The following USP37 variants were observed in gnomAD, a reference collection of about 807,000 sequenced individuals.
The protein encoded by USP37 is ubiquitin specific peptidase 37.
USP37 carries 27 observed loss-of-function variants against 124.0 expected under a neutral mutation model. The observed-to-expected ratio is 0.22, with a 90% CI of 0.16 to 0.30. The LOEUF is 0.30. USP37 is among the 10% of genes least tolerant of loss of function. USP37 has a pLI of 1.00. For missense variants in USP37, 889 were observed against 1,140.4 expected, an observed-to-expected ratio of 0.78 and a Z score of 3.17; for synonymous variants, 365 against 388.0, an observed-to-expected ratio of 0.94 and a Z score of 0.70.
intron 6 of USP37, among the ~76,000 whole-genome samples, chr2:218,547,472 T>C (rs1692412702): frequency 6.6e-6 from 1 of 151,670 alleles, no homozygotes; most frequent in Admixed American, 6.6e-5. Context: ...TAATGTACAG[T>C]CAGTGTGAAA....
intron 9 of USP37, among the ~76,000 whole-genome samples, chr2:218,530,742 G>T (rs1424450590): frequency 6.6e-6 from 1 of 152,164 alleles, no homozygotes; most frequent in Non-Finnish European, 1.5e-5. Flanking sequence ...AAAAGCTCTT[G>T]ACAGAAATTA....
At chr2:218,518,260 T>A (rs976666804) in intron 10 of USP37, among the ~76,000 whole-genome samples, 1 of 152,248 alleles carries the variant, frequency 6.6e-6, no homozygotes, top group Non-Finnish European at 1.5e-5. Context: ...TTGATTTTTT[T>A]AAATCTGTGA....
chr2:218,485,519 G>A, intron 16 of USP37, 145 bp downstream of exon 16: 5 of 948,564 alleles, frequency 5.3e-6, no homozygotes, highest in East Asian at 2.7e-5. Flanking sequence ...CAGCTTTCCT[G>A]ACCCTCTTTA....
At chr2:218,501,541 T>C (rs889730731) in intron 11 of USP37, among the ~76,000 whole-genome samples, 3 of 152,108 alleles carry the variant, frequency 2.0e-5, no homozygotes, top group Non-Finnish European at 4.4e-5. Flanking sequence ...TTTCAGATAC[T>C]AGACAATAGG....
intron 10 of USP37, among the ~76,000 whole-genome samples, chr2:218,527,556 C>G (rs1305710761): frequency 6.6e-6 from 1 of 152,180 alleles, no homozygotes; most frequent in East Asian, 1.9e-4. Context: ...AAATTTTCAC[C>G]TTATCTCTCA....
chr2:218,467,345 A>ATCTG (rs1690400623), intron 20 of USP37, among the ~76,000 whole-genome samples: 1 of 149,672 alleles, frequency 6.7e-6, no homozygotes, highest in Non-Finnish European at 1.5e-5. Context: ...CTATCTATCT[A>ATCTG]TCTATCTATC....
Position 218,483,277 on chromosome 2 carries a change from A to C in USP37, c.1671-1043T>G, listed in dbSNP as rs147525255. On this transcript the variant is annotated intron_variant, in intron 16 of 25. Coordinates refer to ENST00000258399, the MANE Select transcript of USP37 (RefSeq NM_020935.3). ...ACACTGCCTATAGTGTAGCCCTGCT[A>C]TGCATGGAGCAGTAAAAGGTGGGGG... Among the ~76,000 whole-genome samples the C allele has an allele frequency of 9.5e-3, 1,440 of 151,974 alleles. 21 individuals are homozygous for C. Among genetic ancestry groups the C allele is most frequent in the African/African-American group, 0.033 (1,376 of 41,270 alleles).
intron 10 of USP37, among the ~76,000 whole-genome samples, chr2:218,525,634 AC>A (rs1237439110): frequency 6.6e-6 from 1 of 152,090 alleles, no homozygotes; most frequent in Non-Finnish European, 1.5e-5. Flanking sequence ...TGATTTCTCC[AC>A]TTTTATAGAG....
chr2:218,566,858 C>T (rs1574975426), intron 1 of USP37, among the ~76,000 whole-genome samples: 1 of 152,078 alleles, frequency 6.6e-6, no homozygotes, highest in Non-Finnish European at 1.5e-5. Context: ...GTCAAGAATG[C>T]CTCCCAAGTG....
rs372820325 is a variant in USP37, at chr2:218,547,114, A to G, written c.430-23T>C. 1.9e-6 allele frequency: 3 copies of G among 1,571,906 alleles called. No homozygotes were observed. In the African/African-American group the frequency reaches 4.1e-5, roughly 22 times the overall value. On this transcript the variant is annotated intron_variant, in intron 6 of 25. Coordinates refer to ENST00000258399, the MANE Select transcript of USP37 (RefSeq NM_020935.3). ...AGCCTGTAAAAATAAAGTTTGAGAT[A>G]GTTAAATCTTCAAATTAACTGGAAT...
chr2:218,478,565 A>G (rs75774468), intron 18 of USP37, among the ~76,000 whole-genome samples: 1,862 of 152,280 alleles, frequency 0.012, 39 homozygotes, highest in African/African-American at 0.042. Flanking sequence ...CCAAATTTTC[A>G]TACCAGCAGA....
chr2:218,546,343 A>G, intron 7 of USP37, 45 bp from the exon 8 acceptor site: 1 of 1,415,622 alleles, frequency 7.1e-7, no homozygotes. Context: ...GCCACAATTC[A>G]TATCACAAAA....
intron 21 of USP37, among the ~76,000 whole-genome samples, chr2:218,464,027 T>TG (rs1485926979): frequency 6.6e-6 from 1 of 151,148 alleles, no homozygotes; most frequent in Non-Finnish European, 1.5e-5. Context: ...AGTTAATTTT[T>TG]TTTGTATTTT....
intron 25 of USP37, among the ~76,000 whole-genome samples, 189 bp downstream of exon 25, chr2:218,455,391 G>C (rs1160124370): frequency 6.6e-6 from 1 of 151,758 alleles, no homozygotes; most frequent in Non-Finnish European, 1.5e-5. Context: ...TTAATGCTGA[G>C]TTATGAGAGA....
intron 8 of USP37, among the ~76,000 whole-genome samples, chr2:218,542,286 G>A (rs1046045567): frequency 9.9e-5 from 15 of 152,182 alleles, no homozygotes; most frequent in Non-Finnish European, 4.4e-5. Context: ...ATGTGATGGT[G>A]TAAAAGTATT....
chr2:218,535,634 A>C (rs1691587506), intron 8 of USP37, among the ~76,000 whole-genome samples: 1 of 152,048 alleles, frequency 6.6e-6, no homozygotes, highest in Admixed American at 6.6e-5. Context: ...AGGCAGGTGA[A>C]TCATGAGGTC....
At chr2:218,517,806 G>A (rs777528142) in intron 10 of USP37, among the ~76,000 whole-genome samples, 41 of 152,050 alleles carry the variant, frequency 2.7e-4, no homozygotes, top group Non-Finnish European at 5.0e-4. Context: ...ATACCCCAAT[G>A]TCCCTCTTCT....
At chr2:218,508,058 C>G (rs35693258) in intron 11 of USP37, among the ~76,000 whole-genome samples, 8,638 of 152,254 alleles carry the variant, frequency 0.057, 362 homozygotes, top group East Asian at 0.12. Flanking sequence ...CAGTAGAAAA[C>G]AGGAACACTG....
At chr2:218,524,517 T>TA (rs1690843017) in intron 10 of USP37, among the ~76,000 whole-genome samples, 2 of 152,360 alleles carry the variant, frequency 1.3e-5, no homozygotes, top group Admixed American at 1.3e-4. Flanking sequence ...TGTCCAATGT[T>TA]TTATTAAGTA....
Sources: allele counts gnomAD v4.1 joint callset (sites outside exome capture counted in the v4.1 genomes callset), GRCh38; gene constraint gnomAD v4.1.1; transcripts MANE v1.5; gene names NCBI Gene and HGNC (gene_info 2026-07-23, HGNC 2026-07-21).